The following ARHGAP18 variants were observed in gnomAD, a reference collection of about 807,000 sequenced individuals.
The protein encoded by ARHGAP18 is rho GTPase-activating protein 18.
In ARHGAP18, 67 loss-of-function variants were observed where a neutral mutation model predicts 86.2. The ratio of observed to expected loss-of-function variants is 0.78; its 90% CI spans 0.64 to 0.95. ARHGAP18 has a LOEUF of 0.95. Among genes scored for constraint, ARHGAP18 ranks in the 40% least tolerant of loss-of-function variants. The probability of loss-of-function intolerance (pLI) is 0.00; values close to 1 mark genes in which losing one functional copy is unlikely to be tolerated. For missense variants in ARHGAP18, 691 were observed against 780.4 expected (o/e 0.89, Z 1.37); for synonymous variants, 283 against 280.4 (o/e 1.01, Z -0.09).
intron 1 of ARHGAP18, among the ~76,000 whole-genome samples, chr6:129,696,891 C>T (rs1774625820): frequency 6.6e-6 from 1 of 152,130 alleles, no homozygotes; most frequent in Non-Finnish European, 1.5e-5. Flanking sequence ...CAAAGATAAC[C>T]ACAATCAACT....
intron 1 of ARHGAP18, among the ~76,000 whole-genome samples, chr6:129,664,060 C>A (rs1345275264): frequency 6.6e-6 from 1 of 152,230 alleles, no homozygotes. Flanking sequence ...CAGCCCCCAC[C>A]AATCCCATCT....
intron 12 of ARHGAP18, among the ~76,000 whole-genome samples, chr6:129,593,113 C>G (rs1788550290): frequency 1.3e-5 from 2 of 152,224 alleles, no homozygotes; most frequent in South Asian, 2.1e-4. Flanking sequence ...GAGAGTCTGA[C>G]TCAGTGGGTC....
At chr6:129,683,384 T>C (rs575086814) in intron 1 of ARHGAP18, among the ~76,000 whole-genome samples, 2 of 152,340 alleles carry the variant, frequency 1.3e-5, no homozygotes, top group South Asian at 4.1e-4. Flanking sequence ...TTTTTTCTTT[T>C]AATTTGAGGT....
intron 1 of ARHGAP18, among the ~76,000 whole-genome samples, chr6:129,646,526 G>A (rs140684341): frequency 3.0e-4 from 45 of 152,196 alleles, no homozygotes; most frequent in African/African-American, 1.0e-3. Context: ...GATATCTACT[G>A]ATATTTATAA....
intron 7 of ARHGAP18, among the ~76,000 whole-genome samples, chr6:129,613,586 C>T (rs376726668): frequency 1.4e-4 from 22 of 152,200 alleles, no homozygotes; most frequent in East Asian, 3.9e-4. Flanking sequence ...ACTGAATGAG[C>T]GTAATTTCTG....
Position 129,665,795 on chromosome 6 carries a change from C to T in ARHGAP18, c.114-23777G>A, listed in dbSNP as rs143444802. Among the ~76,000 whole-genome samples, 84 of 152,152 alleles carry T rather than the reference C, an allele frequency of 5.5e-4. No individual in the cohort carries two copies. The Middle Eastern group carries it at 0.01, about 18-fold the overall frequency. On this transcript the variant is annotated intron_variant, in intron 1 of 14. Coordinates refer to ENST00000368149, the MANE Select transcript of ARHGAP18 (RefSeq NM_033515.3). The stretch of plus-strand genomic sequence containing the variant: ...TAAATTGCTTAACCTCTCTGAACCT[C>T]GGTTTTTTCACCTGTGAATGAGAGA...
intron 1 of ARHGAP18, among the ~76,000 whole-genome samples, chr6:129,690,672 A>G (rs1199266604): frequency 6.6e-6 from 1 of 152,222 alleles, no homozygotes; most frequent in Non-Finnish European, 1.5e-5. Context: ...AATACAGCAT[A>G]TATAGATTTC....
At chr6:129,672,495 C>T (rs1270444216) in intron 1 of ARHGAP18, among the ~76,000 whole-genome samples, 2 of 152,152 alleles carry the variant, frequency 1.3e-5, no homozygotes, top group Admixed American at 6.5e-5. Flanking sequence ...TGGCTTTTTC[C>T]TTAGTCCTTA....
chr6:129,678,041 T>G (rs565751379), intron 1 of ARHGAP18, among the ~76,000 whole-genome samples: 42 of 152,236 alleles, frequency 2.8e-4, no homozygotes, highest in Non-Finnish European at 6.0e-4. Flanking sequence ...CAGCTCTGCC[T>G]TACATTTCTA....
chr6:129,704,973 T>C (rs559503249), intron 1 of ARHGAP18, among the ~76,000 whole-genome samples: 10 of 152,312 alleles, frequency 6.6e-5, no homozygotes, highest in African/African-American at 1.2e-4. Flanking sequence ...ACTTACTCTA[T>C]CTAGGCTTAT....
At chr6:129,623,509 G>A (rs1033098688) in intron 5 of ARHGAP18, among the ~76,000 whole-genome samples, 2 of 152,150 alleles carry the variant, frequency 1.3e-5, no homozygotes, top group East Asian at 1.9e-4. Flanking sequence ...AAGGTTGCTC[G>A]ATGCTGTGAG....
chr6:129,633,945 G>C (rs1015313622), intron 4 of ARHGAP18, 97 bp downstream of exon 4: 38 of 1,013,982 alleles, frequency 3.7e-5, no homozygotes, highest in Admixed American at 7.7e-5. Flanking sequence ...AATAGAATTT[G>C]CTTACTAGAA....
chr6:129,645,942 A>G (rs1447595167), intron 1 of ARHGAP18, among the ~76,000 whole-genome samples: 1 of 152,070 alleles, frequency 6.6e-6, no homozygotes, highest in Non-Finnish European at 1.5e-5. Flanking sequence ...CCCGTGATAC[A>G]TTTTCCACCT....
chr6:129,602,788 C>T (rs1332705140), intron 10 of ARHGAP18, among the ~76,000 whole-genome samples: 1 of 152,044 alleles, frequency 6.6e-6, no homozygotes, highest in Admixed American at 6.6e-5. Flanking sequence ...GTATCTCTTT[C>T]TTTATGAGCA....
chr6:129,698,691 GTT>G (rs34995244), intron 1 of ARHGAP18, among the ~76,000 whole-genome samples: 10,398 of 89,824 alleles, frequency 0.12, 427 homozygotes, highest in Admixed American at 0.16. Context: ...ACCACGCCCA[GTT>G]TTTTTTTTTT....
Position 129,625,000 on chromosome 6 carries a change from ATATATT to A in ARHGAP18, c.786+4347_786+4352del, listed in dbSNP as rs1442003615. On this transcript the variant is annotated intron_variant, in intron 5 of 14. Coordinates refer to ENST00000368149, the MANE Select transcript of ARHGAP18 (RefSeq NM_033515.3). ...ATATATAATATATATTATATATGAT[ATATATT>A]TATATAATATATATGATATATGATA... 2.1e-4 allele frequency among the ~76,000 whole-genome samples: 21 copies of A among 101,134 alleles called. 1 individual carries two copies. Among genetic ancestry groups the A allele is most frequent in the South Asian group, 1.6e-3 (6 of 3,680 alleles). 66.3% of individuals were successfully genotyped at this position (101,134 alleles called of 152,430 possible).
chr6:129,660,861 G>C (rs9375652), intron 1 of ARHGAP18, among the ~76,000 whole-genome samples: 48,733 of 151,774 alleles, frequency 0.32, 7,932 homozygotes, highest in Middle Eastern at 0.36. Flanking sequence ...AACAAATTTA[G>C]GATGAAAGAA....
chr6:129,698,774 C>T (rs983345173), intron 1 of ARHGAP18, among the ~76,000 whole-genome samples: 3 of 150,358 alleles, frequency 2.0e-5, no homozygotes, highest in African/African-American at 7.4e-5. Context: ...CTCACTGCAA[C>T]CTCCGCCTAA....
chr6:129,577,754 CTT>C lies in ARHGAP18; in HGVS notation c.*757_*758del, dbSNP rs1788208395. ...CAGAAAGTGCTTTGGCTTTCACTCT[CTT>C]GTTATCCATAATCCAATTATTATTT... On this transcript the variant is annotated 3_prime_UTR_variant, in exon 15 of 15. Transcript: ENST00000368149. 2 of 152,150 alleles carry C rather than the reference CTT, an allele frequency of 1.3e-5. No individual in the cohort carries two copies. Among genetic ancestry groups the C allele is most frequent in the Admixed American group, 6.5e-5 (1 of 15,280 alleles). 9.4% of individuals were successfully genotyped at this position (152,150 alleles called of 1,614,324 possible).
Sources: gnomAD v4.1 joint callset for allele counts (sites outside exome capture counted in the v4.1 genomes callset) on GRCh38, gnomAD v4.1.1 for gene constraint, MANE v1.5 for transcripts, NCBI Gene and HGNC (gene_info 2026-07-23, HGNC 2026-07-21) for gene names.